The following TNS3 variants were observed in gnomAD, a reference collection of about 807,000 sequenced individuals.
TNS3 encodes the protein tensin-3.
Under a neutral mutation model 140.9 loss-of-function variants are expected in TNS3, and 45 were observed. The ratio of observed to expected loss-of-function variants is 0.32; its 90% CI spans 0.25 to 0.41. TNS3 has a LOEUF of 0.41. Among genes scored for constraint, TNS3 ranks in the 10% least tolerant of loss-of-function variants. The pLI is 1.00. For synonymous variants in TNS3, 815 were observed against 788.4 expected, an observed-to-expected ratio of 1.03 and a Z score of -0.56; for missense variants, 1,716 against 1,906.7, an observed-to-expected ratio of 0.90 and a Z score of 1.86.
intron 17 of TNS3, among the ~76,000 whole-genome samples, chr7:47,352,556 T>G (rs1789748722): frequency 6.6e-6 from 1 of 152,096 alleles, no homozygotes; most frequent in Non-Finnish European, 1.5e-5. Context: ...AACAAGCCCT[T>G]CTCCCCACCT....
chr7:47,385,565 G>T (rs958047575), intron 16 of TNS3, among the ~76,000 whole-genome samples: 4 of 152,158 alleles, frequency 2.6e-5, no homozygotes, highest in Non-Finnish European at 4.4e-5. Context: ...GTGGCCTCTG[G>T]TTTTCTTTCA....
intron 18 of TNS3, 128 bp downstream of exon 18, chr7:47,346,059 G>A: frequency 8.1e-7 from 1 of 1,231,642 alleles, no homozygotes; most frequent in Non-Finnish European, 1.1e-6. Context: ...AGGACGGAAG[G>A]TGGGTGCGGA....
At chr7:47,525,996 G>A (rs1476533716) in intron 2 of TNS3, among the ~76,000 whole-genome samples, 2 of 152,220 alleles carry the variant, frequency 1.3e-5, no homozygotes, top group Non-Finnish European at 2.9e-5. Context: ...ACCCAGGGAA[G>A]GCACCAAGAC....
intron 1 of TNS3, among the ~76,000 whole-genome samples, chr7:47,581,046 G>A (rs1366540175): frequency 1.3e-5 from 2 of 152,136 alleles, no homozygotes; most frequent in Non-Finnish European, 1.5e-5. Context: ...CCCACACCCT[G>A]ATGGCGCTTT....
At chr7:47,291,006 A>G (rs1190852450) in intron 27 of TNS3, among the ~76,000 whole-genome samples, 1 of 152,222 alleles carries the variant, frequency 6.6e-6, no homozygotes, top group African/African-American at 2.4e-5. Flanking sequence ...CTAAAAAAAA[A>G]TGAGCTATCA....
At chr7:47,550,230 G>C (rs2151979899) in intron 1 of TNS3, among the ~76,000 whole-genome samples, 1 of 152,280 alleles carries the variant, frequency 6.6e-6, no homozygotes, top group Non-Finnish European at 1.5e-5. Context: ...GTCCATGCCT[G>C]TTTGCTGAAT....
intron 2 of TNS3, among the ~76,000 whole-genome samples, chr7:47,509,709 T>C (rs2151890251): frequency 6.6e-6 from 1 of 152,020 alleles, no homozygotes; most frequent in South Asian, 2.1e-4. Flanking sequence ...CTGCCTGCCC[T>C]ACCCCTGCCT....
At chr7:47,413,817 G>T in intron 12 of TNS3, 120 bp downstream of exon 12, 2 of 1,244,264 alleles carry the variant, frequency 1.6e-6, no homozygotes, top group Non-Finnish European at 2.3e-6. Context: ...TTGGCTTCTT[G>T]GCATTCTCTG....
At chr7:47,370,555 G>C (rs1791004231) in intron 16 of TNS3, among the ~76,000 whole-genome samples, 1 of 152,238 alleles carries the variant, frequency 6.6e-6, no homozygotes, top group Admixed American at 6.5e-5. Context: ...TCACGGCCAT[G>C]GCTCTGGCAT....
intron 2 of TNS3, among the ~76,000 whole-genome samples, chr7:47,522,588 T>C (rs573967446): frequency 1.3e-5 from 2 of 152,244 alleles, no homozygotes; most frequent in South Asian, 4.2e-4. Context: ...ATGAAAACAA[T>C]CATGTCTAAA....
chr7:47,304,205 C>T (rs966818222), intron 21 of TNS3, among the ~76,000 whole-genome samples: 11 of 152,288 alleles, frequency 7.2e-5, no homozygotes, highest in Admixed American at 3.3e-4. Flanking sequence ...AGTTGATTAA[C>T]GGATACCACA....
At chr7:47,495,119 A>C (rs984279835) in intron 3 of TNS3, among the ~76,000 whole-genome samples, 2 of 140,880 alleles carry the variant, frequency 1.4e-5, no homozygotes, top group African/African-American at 2.7e-5. Flanking sequence ...TGAACCCGGG[A>C]GGCGGAGCTT....
At chr7:47,309,799 T>C (rs1786978853) in intron 20 of TNS3, among the ~76,000 whole-genome samples, 1 of 152,226 alleles carries the variant, frequency 6.6e-6, no homozygotes, top group African/African-American at 2.4e-5. Context: ...CTGCATCAGC[T>C]CAAAGCCAGT....
At chr7:47,535,850 C>T (rs893387076) in intron 1 of TNS3, among the ~76,000 whole-genome samples, 1 of 152,252 alleles carries the variant, frequency 6.6e-6, no homozygotes, top group African/African-American at 2.4e-5. Context: ...AATGGTTACA[C>T]ACGCAAAAGT....
chr7:47,410,577 C>T (rs1179124250), intron 13 of TNS3, among the ~76,000 whole-genome samples: 5 of 152,158 alleles, frequency 3.3e-5, no homozygotes, highest in East Asian at 1.9e-4. Context: ...CTTCGATCCT[C>T]GCTGATTTGA....
chr7:47,513,769 C>T (rs1466432778), intron 2 of TNS3, among the ~76,000 whole-genome samples: 1 of 152,266 alleles, frequency 6.6e-6, no homozygotes, highest in African/African-American at 2.4e-5. Context: ...GCTTACCCTC[C>T]GGCGTCTGAG....
At chr7:47,546,289 C>T (rs1046511951) in intron 1 of TNS3, among the ~76,000 whole-genome samples, 29 of 152,206 alleles carry the variant, frequency 1.9e-4, no homozygotes, top group African/African-American at 6.3e-4. Context: ...ACTTGTCTCA[C>T]GTGGCGTCCA....
At position 47,283,737 on chromosome 7, in the gene TNS3, C is replaced by T; in HGVS notation, c.4057G>A (p.Val1353Met). ...GTCAGGGTGATGCCCTGGGCTGACA[C>T]CTTGAAGTGCACAACTGTGGACACA... ...PPVSTVVHFK[V>M]SAQGITLTDN... The change falls in exon 28 of 31, where the codon GTG becomes ATG. Residue 1353 changes from valine (V) to methionine (M), a missense_variant. This residue lies in a region of TNS3 where 216 missense variants were observed against 295.7 expected (regional missense o/e 0.73). Coordinates refer to ENST00000311160, the MANE Select transcript of TNS3 (RefSeq NM_022748.12). 3 of 1,604,282 alleles carry T rather than the reference C, an allele frequency of 1.9e-6. No homozygotes were observed. The highest frequency in any genetic ancestry group is 2.6e-6 in the Non-Finnish European group (3 of 1,175,466).
intron 24 of TNS3, among the ~76,000 whole-genome samples, chr7:47,296,404 T>C (rs1786028435): frequency 6.6e-6 from 1 of 152,164 alleles, no homozygotes; most frequent in Non-Finnish European, 1.5e-5. Flanking sequence ...TGGCGATTCC[T>C]CAAAGACCTA....
Sources: allele counts gnomAD v4.1 joint callset (sites outside exome capture counted in the v4.1 genomes callset), GRCh38; gene constraint gnomAD v4.1.1; regional missense constraint gnomAD v4.1.1; transcripts MANE v1.5; gene names NCBI Gene and HGNC (gene_info 2026-07-23, HGNC 2026-07-21).